EPHA6: variants seen among roughly 807,000 people sequenced by gnomAD.
EPHA6 encodes EPH receptor A6, also known as ephrin type-A receptor 6.
In EPHA6, 50 loss-of-function variants were observed where a neutral mutation model predicts 112.0. That is an observed-to-expected ratio of 0.45 (90% CI 0.36 to 0.56). The LOEUF (loss-of-function observed/expected upper bound fraction) is 0.56, where lower values mean the gene tolerates loss of function less well. EPHA6 is among the 20% of genes least tolerant of loss of function. The pLI is 0.00. For missense variants in EPHA6, 1,280 were observed against 1,417.4 expected (o/e 0.90, Z 1.56); for synonymous variants, 529 against 490.7 (o/e 1.08, Z -1.03).
chr3:97,323,276 CT>C (rs918594328), intron 5 of EPHA6, among the ~76,000 whole-genome samples: 199 of 151,864 alleles, frequency 1.3e-3, no homozygotes, highest in Non-Finnish European at 2.1e-3. Flanking sequence ...TAGTTTATTA[CT>C]TTTTTGAGAA....
At chr3:97,070,899 G>C (rs939830394) in intron 3 of EPHA6, among the ~76,000 whole-genome samples, 1 of 152,030 alleles carries the variant, frequency 6.6e-6, no homozygotes, top group Non-Finnish European at 1.5e-5. Flanking sequence ...AATTAATAAA[G>C]CAGATAAACG....
intron 3 of EPHA6, among the ~76,000 whole-genome samples, chr3:97,162,010 G>C (rs1426317590): frequency 1.3e-5 from 2 of 152,146 alleles, no homozygotes; most frequent in Non-Finnish European, 2.9e-5. Flanking sequence ...TTAGACAAAG[G>C]CATTTGACAA....
chr3:96,987,072 G>T (rs944570401), intron 2 of EPHA6, among the ~76,000 whole-genome samples: 1 of 152,156 alleles, frequency 6.6e-6, no homozygotes, highest in Non-Finnish European at 1.5e-5. Flanking sequence ...CTCCTTTACA[G>T]TTGAGGAAAC....
At chr3:97,191,128 G>A (rs1403778381) in intron 3 of EPHA6, among the ~76,000 whole-genome samples, 1 of 151,978 alleles carries the variant, frequency 6.6e-6, no homozygotes, top group African/African-American at 2.4e-5. Flanking sequence ...GGATTTGACT[G>A]CAGTCCAAAC....
intron 2 of EPHA6, among the ~76,000 whole-genome samples, chr3:96,983,185 T>C (rs1216334712): frequency 1.3e-5 from 2 of 152,206 alleles, no homozygotes; most frequent in African/African-American, 4.8e-5. Flanking sequence ...TTGCAGTGGC[T>C]GGTACCGGTT....
At chr3:97,309,009 G>A (rs959351808) in intron 5 of EPHA6, among the ~76,000 whole-genome samples, 2 of 151,508 alleles carry the variant, frequency 1.3e-5, no homozygotes, top group Admixed American at 6.6e-5. Flanking sequence ...TTCTACAGGA[G>A]AATTAAAAAC....
At chr3:97,277,165 C>A (rs369959336) in intron 5 of EPHA6, among the ~76,000 whole-genome samples, 16 of 152,246 alleles carry the variant, frequency 1.1e-4, no homozygotes, top group African/African-American at 3.9e-4. Flanking sequence ...TTCTAACAGG[C>A]TTTGTGTGAG....
chr3:97,650,096 G>A (rs990838317), intron 14 of EPHA6, among the ~76,000 whole-genome samples: 2 of 152,056 alleles, frequency 1.3e-5, no homozygotes, highest in Non-Finnish European at 2.9e-5. Context: ...TTGTCAGAAA[G>A]CAAATCCACA....
chr3:97,272,995 C>T (rs866806368), intron 5 of EPHA6, among the ~76,000 whole-genome samples: 35 of 151,892 alleles, frequency 2.3e-4, no homozygotes, highest in South Asian at 1.3e-3. Context: ...GGATTAGGGG[C>T]GGTGTGGGAA....
At chr3:97,421,782 T>C (rs891915784) in intron 6 of EPHA6, among the ~76,000 whole-genome samples, 6 of 152,154 alleles carry the variant, frequency 3.9e-5, no homozygotes, top group African/African-American at 1.4e-4. Context: ...GACCAATGTA[T>C]TGTAACAGAA....
At position 97,749,210 on chromosome 3, in the gene EPHA6, T is replaced by A. The variant is rs2107912804; in HGVS notation, c.*509T>A. 4.5e-6 allele frequency: 1 copy of A among 220,930 alleles called. No homozygotes were observed. Among genetic ancestry groups the A allele is most frequent in the South Asian group, 1.8e-4 (1 of 5,448 alleles). 13.7% of individuals were successfully genotyped at this position (220,930 alleles called of 1,614,324 possible). A position where few individuals can be genotyped will look rare whatever the true frequency, so the allele number is the denominator to read the frequency against. The stretch of plus-strand genomic sequence containing the variant: ...TATTTTTTAATACTTTAACTGTTGG[T>A]GCCTGATATTGTTAGAATTATTTGC... On this transcript the variant is annotated 3_prime_UTR_variant, in exon 18 of 18. Coordinates refer to ENST00000389672, the MANE Select transcript of EPHA6 (RefSeq NM_001080448.3).
intron 3 of EPHA6, among the ~76,000 whole-genome samples, chr3:97,078,145 T>C (rs1176883428): frequency 6.6e-6 from 1 of 152,222 alleles, no homozygotes; most frequent in African/African-American, 2.4e-5. Context: ...TGATGAACAG[T>C]GATGATGAGC....
intron 5 of EPHA6, among the ~76,000 whole-genome samples, chr3:97,311,475 C>CACACACACACACACACAT (rs397875297): frequency 7.3e-5 from 11 of 150,764 alleles, no homozygotes; most frequent in African/African-American, 2.7e-4. Context: ...CACACACACA[C>CACACACACACACACACAT]GTTTGCTCTG....
At chr3:96,935,210 A>G (rs2040517907) in intron 2 of EPHA6, among the ~76,000 whole-genome samples, 1 of 151,874 alleles carries the variant, frequency 6.6e-6, no homozygotes, top group Admixed American at 6.6e-5. Flanking sequence ...CTATAACTAA[A>G]TTATCAGTAG....
Position 96,814,647 on chromosome 3 carries a change from C to A in EPHA6, c.24C>A (p.Ala8=). ...GGATGCAATTCCCCTCGCCTCCAGC[C>A]GCGAGGAGCTCCCCGGCGCCGCAGG... The part of the protein sequence containing the change: MQFPSPP[A]ARSSPAPQAA... Residue 8 remains alanine (A), a synonymous_variant, in exon 1 of 18, where the codon GCC becomes GCA. Coordinates refer to ENST00000389672, the MANE Select transcript of EPHA6 (RefSeq NM_001080448.3). 1 of 1,474,900 alleles carries A rather than the reference C, an allele frequency of 6.8e-7. No homozygotes were observed. Among genetic ancestry groups the A allele is most frequent in the East Asian group, 2.4e-5 (1 of 42,454 alleles). 91.4% of individuals were successfully genotyped at this position (1,474,900 alleles called of 1,614,324 possible). A position where few individuals can be genotyped will look rare whatever the true frequency, so the allele number is the denominator to read the frequency against.
rs562777655 is a variant in EPHA6, at chr3:97,264,474, G to A, written c.1606+20187G>A. ...GCAGCAGGGAATGTGGTGGTGCATGGAAACTTGGAGACATCCGAAACTGCA... is the reference window on the plus strand; with the variant it reads ...GCAGCAGGGAATGTGGTGGTGCATGAAAACTTGGAGACATCCGAAACTGCA... On this transcript the variant is annotated intron_variant, in intron 5 of 17. Transcript: ENST00000389672. Among the ~76,000 whole-genome samples, 14 of 152,330 alleles carry A rather than the reference G, an allele frequency of 9.2e-5. No individual in the cohort carries two copies. In the East Asian group the frequency reaches 2.1e-3, roughly 23 times the overall value.
intron 3 of EPHA6, among the ~76,000 whole-genome samples, chr3:97,129,822 A>T (rs1223216378): frequency 2.0e-5 from 3 of 152,212 alleles, no homozygotes; most frequent in African/African-American, 7.2e-5. Context: ...GGATTTCCAC[A>T]GAAGGCAGGT....
rs537625823 is a variant in EPHA6, at chr3:97,034,947, A to G, written c.1114+46954A>G. On this transcript the variant is annotated intron_variant, in intron 3 of 17. Transcript: ENST00000389672. ...TTTGGTAAAAATTCTTTTGAAAGAA[A>G]TAAAATGGTAACCATATTTTTACAT... Among the ~76,000 whole-genome samples, 4 of 152,106 alleles carry G rather than the reference A, an allele frequency of 2.6e-5. No homozygotes were observed. The South Asian group carries it at 8.3e-4, about 31-fold the overall frequency.
chr3:97,304,583 T>C (rs931466282), intron 5 of EPHA6, among the ~76,000 whole-genome samples: 1 of 152,016 alleles, frequency 6.6e-6, no homozygotes, highest in East Asian at 1.9e-4. Flanking sequence ...ATCTCAGAAA[T>C]AAGACCACAC....
Sources: allele counts gnomAD v4.1 joint callset (sites outside exome capture counted in the v4.1 genomes callset), GRCh38; gene constraint gnomAD v4.1.1; transcripts MANE v1.5; gene names NCBI Gene and HGNC (gene_info 2026-07-23, HGNC 2026-07-21).